MICAL2: variants seen among roughly 807,000 people sequenced by gnomAD.
The protein encoded by MICAL2 is microtubule associated monooxygenase, calponin and LIM domain containing 2.
Under a neutral mutation model 127.3 loss-of-function variants are expected in MICAL2, and 77 were observed. That is an observed-to-expected ratio of 0.60 (90% CI 0.50 to 0.73). The LOEUF (loss-of-function observed/expected upper bound fraction) is 0.73. MICAL2 is among the 30% of genes least tolerant of loss of function. MICAL2 has a pLI of 0.00. For synonymous variants in MICAL2, 570 were observed against 551.1 expected (o/e 1.03, Z -0.48); for missense variants, 1,351 against 1,434.4 (o/e 0.94, Z 0.94).
chr11:12,172,313 A>C (rs571026838), intron 3 of MICAL2, among the ~76,000 whole-genome samples: 1 of 152,290 alleles, frequency 6.6e-6, no homozygotes, highest in East Asian at 1.9e-4. Context: ...GACACATAAC[A>C]TGTATTTGTC....
chr11:12,242,097 A>T, intron 18 of MICAL2, 117 bp from the exon 19 acceptor site: 3 of 817,556 alleles, frequency 3.7e-6, no homozygotes, highest in Non-Finnish European at 5.6e-6. Context: ...TTGGAATCTT[A>T]CTTAGGGTTG....
chr11:12,198,646 C>T (rs1358220859), intron 3 of MICAL2, among the ~76,000 whole-genome samples: 1 of 152,182 alleles, frequency 6.6e-6, no homozygotes, highest in African/African-American at 2.4e-5. Context: ...AGTGCACTGC[C>T]CTGGGGAGCT....
chr11:12,224,079 A>T (rs1412783799), intron 12 of MICAL2, among the ~76,000 whole-genome samples: 1 of 152,090 alleles, frequency 6.6e-6, no homozygotes, highest in Admixed American at 6.6e-5. Context: ...ACACACCACG[A>T]CATGCCCCAC....
intron 32 of MICAL2, among the ~76,000 whole-genome samples, chr11:12,329,394 A>G (rs1027979809): frequency 2.0e-5 from 3 of 152,134 alleles, no homozygotes; most frequent in African/African-American, 7.2e-5. Flanking sequence ...TCTCAGTGAG[A>G]GCATTAGAAA....
At chr11:12,351,292 G>C (rs746530383) in intron 33 of MICAL2, among the ~76,000 whole-genome samples, 3 of 152,116 alleles carry the variant, frequency 2.0e-5, no homozygotes, top group Non-Finnish European at 4.4e-5. Flanking sequence ...CTCCTTAGGG[G>C]CAAGGCTGTT....
chr11:12,209,638 G>A (rs948311192), intron 6 of MICAL2, 40 bp downstream of exon 6: 10 of 1,525,212 alleles, frequency 6.6e-6, no homozygotes, highest in Non-Finnish European at 9.1e-6. Context: ...GGGGGGATGG[G>A]AATGGGAGAG....
At chr11:12,337,131 G>A (rs1188132586) in intron 32 of MICAL2, among the ~76,000 whole-genome samples, 1 of 152,076 alleles carries the variant, frequency 6.6e-6, no homozygotes, top group South Asian at 2.1e-4. Flanking sequence ...CAATTTCAGA[G>A]CCTGTTATTG....
At chr11:12,203,896 GA>G (rs1854337590) in intron 3 of MICAL2, among the ~76,000 whole-genome samples, 1 of 152,200 alleles carries the variant, frequency 6.6e-6, no homozygotes, top group African/African-American at 2.4e-5. Context: ...ATAACCTTAT[GA>G]GGAGAGTAGT....
At chr11:12,209,457 C>T (rs939439655) in intron 5 of MICAL2, 40 bp from the exon 6 acceptor site, 2 of 1,507,974 alleles carry the variant, frequency 1.3e-6, no homozygotes, top group Admixed American at 3.3e-5. Context: ...TCTCTTCCCA[C>T]CTCTCTCTGC....
intron 3 of MICAL2, among the ~76,000 whole-genome samples, chr11:12,187,525 A>G (rs527954283): frequency 6.6e-6 from 1 of 152,236 alleles, no homozygotes; most frequent in South Asian, 2.1e-4. Context: ...AGTTACCACA[A>G]GGATATGTCA....
chr11:12,289,902 C>T (rs779312515), downstream of MICAL2, among the ~76,000 whole-genome samples: 1 of 152,202 alleles, frequency 6.6e-6, no homozygotes, highest in Non-Finnish European at 1.5e-5. Context: ...ATGTTATCTG[C>T]TCAACCACCC....
downstream of MICAL2, among the ~76,000 whole-genome samples, chr11:12,288,491 T>G (rs1863854932): frequency 6.6e-6 from 1 of 152,174 alleles, no homozygotes; most frequent in Admixed American, 6.5e-5. Flanking sequence ...GCAAGAGGAC[T>G]GCTGAGCAGC....
chr11:12,215,332 G>C (rs1451582398), intron 7 of MICAL2, among the ~76,000 whole-genome samples: 1 of 152,098 alleles, frequency 6.6e-6, no homozygotes, highest in East Asian at 1.9e-4. Flanking sequence ...CTATTTAACC[G>C]TAATAAAGGT....
intron 32 of MICAL2, among the ~76,000 whole-genome samples, chr11:12,348,736 C>T (rs994553142): frequency 1.3e-5 from 2 of 152,184 alleles, no homozygotes; most frequent in African/African-American, 4.8e-5. Flanking sequence ...TCTAGCTCTG[C>T]TGCTTACTGT....
At chr11:12,279,765 C>G (rs1227954492) in intron 1 of MICAL2, among the ~76,000 whole-genome samples, 1 of 152,184 alleles carries the variant, frequency 6.6e-6, no homozygotes, top group Non-Finnish European at 1.5e-5. Flanking sequence ...AGACCGTATC[C>G]ATAAATTCAT....
At chr11:12,275,538 G>A (rs1042967819), upstream of MICAL2, among the ~76,000 whole-genome samples, 2 of 152,190 alleles carry the variant, frequency 1.3e-5, no homozygotes, top group Admixed American at 6.5e-5. Context: ...GATTGGGCAG[G>A]CCTTGCCATC....
chr11:12,125,853 A>G (rs146330269), intron 1 of MICAL2, among the ~76,000 whole-genome samples: 32 of 132,418 alleles, frequency 2.4e-4, no homozygotes, highest in African/African-American at 9.4e-4. Context: ...AATCCGGTGC[A>G]AGTATTTCTT....
chr11:12,133,160 C>A (rs575593994), intron 1 of MICAL2, among the ~76,000 whole-genome samples: 2 of 152,332 alleles, frequency 1.3e-5, no homozygotes, highest in South Asian at 4.1e-4. Flanking sequence ...CGGCTCACTG[C>A]AGCTTCTGTC....
intron 9 of MICAL2, among the ~76,000 whole-genome samples, chr11:12,221,374 C>T (rs1040042434): frequency 3.9e-5 from 6 of 152,218 alleles, no homozygotes; most frequent in African/African-American, 1.4e-4. Flanking sequence ...TTTCCATCTC[C>T]CTCTCCCAGG....
Sources: allele counts gnomAD v4.1 joint callset (sites outside exome capture counted in the v4.1 genomes callset), GRCh38; gene constraint gnomAD v4.1.1; transcripts MANE v1.5; gene names NCBI Gene and HGNC (gene_info 2026-07-23, HGNC 2026-07-21).